The following HSDL2 variants were observed in gnomAD, a reference collection of about 807,000 sequenced individuals.
HSDL2 encodes the protein hydroxysteroid dehydrogenase like 2, also known as hydroxysteroid dehydrogenase-like protein 2.
Under a neutral mutation model 46.3 loss-of-function variants are expected in HSDL2, and 27 were observed. That is an observed-to-expected ratio of 0.58 (90% confidence interval 0.43 to 0.80). The LOEUF is 0.80. Among genes scored for constraint, HSDL2 ranks in the 30% least tolerant of loss-of-function variants. HSDL2 has a pLI of 0.00. For missense variants in HSDL2, 451 were observed against 502.7 expected, an observed-to-expected ratio of 0.90 and a Z score of 0.98; for synonymous variants, 153 against 163.6, an observed-to-expected ratio of 0.94 and a Z score of 0.50.
At chr9:112,388,842 A>G (rs1397764740) in intron 1 of HSDL2, among the ~76,000 whole-genome samples, 2 of 149,882 alleles carry the variant, frequency 1.3e-5, no homozygotes, top group African/African-American at 4.9e-5. Context: ...AAGACAGAAG[A>G]GGCTGCAAAA....
chr9:112,424,614 T>C (rs749906684), intron 6 of HSDL2, among the ~76,000 whole-genome samples: 32 of 152,160 alleles, frequency 2.1e-4, no homozygotes, highest in Non-Finnish European at 4.0e-4. Flanking sequence ...TTTTAAGAAA[T>C]GTTTATTGCT....
chr9:112,404,170 A>C lies in HSDL2; in HGVS notation c.181+12A>C, dbSNP rs1355854077. The C allele has an allele frequency of 6.2e-7, 1 of 1,610,268 alleles. No homozygotes were observed. The highest frequency in any genetic ancestry group is 8.5e-7 in the Non-Finnish European group (1 of 1,177,614). On this transcript the variant is annotated intron_variant, in intron 2 of 10. Coordinates refer to ENST00000398805, the MANE Select transcript of HSDL2 (RefSeq NM_032303.5). ...TGCTGCTGAAGAAAGTGAGTGTGAC[A>C]GTGCCATTTGATAAAATGTCTTTCT...
chr9:112,434,677 G>A (rs1428729522), intron 6 of HSDL2, among the ~76,000 whole-genome samples: 1 of 152,196 alleles, frequency 6.6e-6, no homozygotes, highest in Non-Finnish European at 1.5e-5. Context: ...GATATGTTTG[G>A]TGGTGGCTGA....
chr9:112,437,455 A>G (rs2065229), intron 6 of HSDL2, among the ~76,000 whole-genome samples: 84,452 of 151,868 alleles, frequency 0.56, 23,683 homozygotes, highest in African/African-American at 0.63. Context: ...TTCTTACAAT[A>G]GATGATATAT....
Position 112,408,985 on chromosome 9 carries a change from T to C in HSDL2, c.359T>C (p.Leu120Pro). The part of the protein sequence containing the change: ...TLDTPTKRLD[L>P]MMNVNTRGTY... ...GACACACCTACCAAGAGATTGGATCTGATGATGAACGTGAACACCAGAGGC... is the reference window on the plus strand; with the variant it reads ...GACACACCTACCAAGAGATTGGATCCGATGATGAACGTGAACACCAGAGGC... The change falls in exon 4 of 11, where the codon CTG becomes CCG. Residue 120 changes from leucine (L) to proline (P), a missense_variant. Coordinates refer to ENST00000398805, the MANE Select transcript of HSDL2 (RefSeq NM_032303.5). 6.2e-7 allele frequency: 1 copy of C among 1,609,258 alleles called. No homozygotes were observed.
intron 1 of HSDL2, among the ~76,000 whole-genome samples, chr9:112,388,708 A>G (rs1831272118): frequency 6.6e-6 from 1 of 151,942 alleles, no homozygotes; most frequent in Admixed American, 6.6e-5. Flanking sequence ...GAGCTGAGAT[A>G]GTGCCACTGC....
chr9:112,454,914 C>T (rs2132694900), intron 9 of HSDL2, among the ~76,000 whole-genome samples: 2 of 152,168 alleles, frequency 1.3e-5, no homozygotes, highest in East Asian at 3.9e-4. Flanking sequence ...CCATGTTGCC[C>T]AGGCTGGTCT....
At chr9:112,457,665 A>C (rs573074657) in intron 9 of HSDL2, among the ~76,000 whole-genome samples, 13 of 152,192 alleles carry the variant, frequency 8.5e-5, no homozygotes, top group Admixed American at 2.6e-4. Flanking sequence ...AAATCAAGCA[A>C]TCTGCTGTTC....
rs372003771 is a variant in HSDL2, at chr9:112,469,370, A to G, written c.1145-1062A>G. Among the ~76,000 whole-genome samples the G allele has an allele frequency of 5.9e-5, 9 of 152,250 alleles. No individual in the cohort carries two copies. The South Asian group carries it at 8.3e-4, about 14-fold the overall frequency. On this transcript the variant is annotated intron_variant, in intron 10 of 10. Transcript: ENST00000398805. ...GTGCCTTCTAGAAGATATGTCATCTATATCAATTAGCATAATGTAAGACAG... is the reference window on the plus strand; with the variant it reads ...GTGCCTTCTAGAAGATATGTCATCTGTATCAATTAGCATAATGTAAGACAG...
At chr9:112,446,537 G>A (rs1425188042) in intron 8 of HSDL2, among the ~76,000 whole-genome samples, 1 of 152,142 alleles carries the variant, frequency 6.6e-6, no homozygotes, top group East Asian at 1.9e-4. Flanking sequence ...AGGCTGAGGC[G>A]GGAGGATCAC....
intron 6 of HSDL2, among the ~76,000 whole-genome samples, chr9:112,437,609 C>G (rs373590822): frequency 1.3e-5 from 2 of 152,110 alleles, no homozygotes; most frequent in Middle Eastern, 3.4e-3. Flanking sequence ...GTTAAAGAGG[C>G]GAAACAAGCT....
chr9:112,468,812 G>GT (rs1273411961), intron 10 of HSDL2, among the ~76,000 whole-genome samples: 1 of 152,148 alleles, frequency 6.6e-6, no homozygotes, highest in African/African-American at 2.4e-5. Flanking sequence ...TCTTATCTGT[G>GT]TTTTGGTTTT....
At chr9:112,417,500 A>C (rs1407506024) in intron 5 of HSDL2, among the ~76,000 whole-genome samples, 1 of 151,580 alleles carries the variant, frequency 6.6e-6, no homozygotes, top group Non-Finnish European at 1.5e-5. Context: ...AAAAAACGAC[A>C]AAAAAACCCT....
chr9:112,450,963 G>T (rs569641764), intron 8 of HSDL2, among the ~76,000 whole-genome samples: 55 of 152,248 alleles, frequency 3.6e-4, no homozygotes, highest in Non-Finnish European at 6.8e-4. Context: ...AATCATGGGT[G>T]GCTGAGGCGG....
At chr9:112,452,882 G>A (rs1832921426) in intron 8 of HSDL2, among the ~76,000 whole-genome samples, 1 of 152,190 alleles carries the variant, frequency 6.6e-6, no homozygotes, top group African/African-American at 2.4e-5. Context: ...GTGAATGCAA[G>A]TTTTAAAATG....
In HSDL2 at chr9:112,454,008, T is replaced by C; in HGVS notation, c.866-5T>C. On this transcript the variant is annotated splice_region_variant and splice_polypyrimidine_tract_variant and intron_variant, in intron 8 of 10. Transcript: ENST00000398805. ...AAGGTCATTTGCTTCAATAATATCT[T>C]ATAGGTGCTGTTCCAGAATTCAAAG... 6.2e-7 allele frequency: 1 copy of C among 1,612,712 alleles called. No individual in the cohort carries two copies. The highest frequency in any genetic ancestry group is 8.5e-7 in the Non-Finnish European group (1 of 1,179,374).
chr9:112,388,150 G>C (rs7850053), intron 1 of HSDL2, among the ~76,000 whole-genome samples: 139,540 of 151,520 alleles, frequency 0.92, 64,387 homozygotes, highest in African/African-American at 0.98. Flanking sequence ...CAGGGCAAGA[G>C]CCTGTCTCAG....
chr9:112,424,292 G>T (rs1398464179), intron 6 of HSDL2, among the ~76,000 whole-genome samples: 4 of 148,832 alleles, frequency 2.7e-5, no homozygotes, highest in African/African-American at 9.8e-5. Flanking sequence ...CTGCACTCCA[G>T]CCGGGGCGAC....
At chr9:112,390,097 T>TAAATAAATAAAG (rs1371100347) in intron 1 of HSDL2, among the ~76,000 whole-genome samples, 4 of 150,026 alleles carry the variant, frequency 2.7e-5, no homozygotes, top group Non-Finnish European at 4.4e-5. Context: ...AATAAATAAA[T>TAAATAAATAAAG]AAAGTAAAAA....
Sources: gnomAD v4.1 joint callset for allele counts (sites outside exome capture counted in the v4.1 genomes callset) on GRCh38, gnomAD v4.1.1 for gene constraint, MANE v1.5 for transcripts, NCBI Gene and HGNC (gene_info 2026-07-23, HGNC 2026-07-21) for gene names.